MDN1: variants seen among roughly 807,000 people sequenced by gnomAD.
MDN1 encodes midasin.
A neutral mutation model predicts 669.2 loss-of-function variants in MDN1; 266 were observed. That is an observed-to-expected ratio of 0.40 (90% confidence interval 0.36 to 0.44). MDN1 has a LOEUF of 0.44. MDN1 is among the 20% of genes least tolerant of loss of function. The probability of loss-of-function intolerance (pLI) is 1.00; values close to 1 mark genes in which losing one functional copy is unlikely to be tolerated. For missense variants in MDN1, 5,940 were observed against 6,754.0 expected, an observed-to-expected ratio of 0.88 and a Z score of 4.22; for synonymous variants, 2,385 against 2,457.1, an observed-to-expected ratio of 0.97 and a Z score of 0.87.
Position 89,699,506 on chromosome 6 carries a change from T to G in MDN1, c.8997+95A>C, listed in dbSNP as rs543366201. On this transcript the variant is annotated intron_variant, in intron 58 of 101. Transcript: ENST00000369393. The stretch of plus-strand genomic sequence containing the variant: ...AACCTGAGGTTTCCAATATGGAATT[T>G]TGAGAATAAATAAAATGTTTCCCAA... 4.3e-5 allele frequency: 61 copies of G among 1,409,488 alleles called. No individual in the cohort carries two copies. In the African/African-American group the frequency reaches 8.6e-4, roughly 20 times the overall value. The allele number at this position is 1,409,488 out of a possible 1,614,324, so 87.3% of individuals were successfully genotyped here.
In MDN1 at chr6:89,662,222, A is replaced by G. The variant is rs1266187800; in HGVS notation, c.14430T>C (p.Val4810=). ...CACTATCCAAGTTGTCATCTTTAGCAACAAGTTCAGAATCTTCCTAAATGT... is the reference window on the plus strand; with the variant it reads ...CACTATCCAAGTTGTCATCTTTAGCGACAAGTTCAGAATCTTCCTAAATGT... ...PGMDEEDSEL[V]AKDDNLDSGN... The change falls in exon 87 of 102, where the codon GTT becomes GTC. Residue 4810 remains valine (V), a synonymous_variant. Transcript: ENST00000369393. 2 of 1,611,496 alleles carry G rather than the reference A, an allele frequency of 1.2e-6. No homozygotes were observed. Among genetic ancestry groups the G allele is most frequent in the Non-Finnish European group, 1.7e-6 (2 of 1,179,474 alleles).
intron 32 of MDN1, among the ~76,000 whole-genome samples, chr6:89,738,796 T>C (rs185837753): frequency 6.6e-6 from 1 of 152,230 alleles, no homozygotes; most frequent in East Asian, 1.9e-4. Context: ...TTGCATCAGG[T>C]ACCTAAATAA....
At chr6:89,763,923 A>G (rs945238132) in intron 15 of MDN1, among the ~76,000 whole-genome samples, 1 of 152,194 alleles carries the variant, frequency 6.6e-6, no homozygotes, top group African/African-American at 2.4e-5. Context: ...TTAAACAAAA[A>G]ATGTACTGAG....
chr6:89,803,191 T>G (rs1554201032), intron 2 of MDN1, 137 bp downstream of exon 2: 2 of 758,330 alleles, frequency 2.6e-6, no homozygotes. Context: ...TGTGACTCTT[T>G]TTATAAAACA....
chr6:89,682,081 T>C (rs1220608972), intron 73 of MDN1, among the ~76,000 whole-genome samples: 1 of 152,228 alleles, frequency 6.6e-6, no homozygotes, highest in East Asian at 1.9e-4. Flanking sequence ...TTCAGGAATT[T>C]TGCAAGCCAA....
intron 14 of MDN1, 98 bp from the exon 15 acceptor site, chr6:89,771,719 T>C (rs1818087458): frequency 9.5e-7 from 1 of 1,052,292 alleles, no homozygotes; most frequent in East Asian, 2.4e-5. Context: ...CATAGGGCTT[T>C]ATTTTTTGAG....
chr6:89,761,609 A>G (rs1194267633), intron 17 of MDN1, 36 bp downstream of exon 17: 1 of 1,436,790 alleles, frequency 7.0e-7, no homozygotes, highest in Non-Finnish European at 9.7e-7. Context: ...CATAAAATCA[A>G]CGTTCCCATA....
chr6:89,712,126 T>G lies in MDN1; in HGVS notation c.7561A>C (p.Lys2521Gln), dbSNP rs146303557. The change falls in exon 49 of 102, where the codon AAA becomes CAA. Residue 2521 changes from lysine to glutamine, a missense_variant. Transcript: ENST00000369393. The part of the protein sequence containing the change: ...DEPDVLVMAV[K>Q]LLIERATNQD... ...TTGGTTGCTCTTTCTATGAGCAATTTAACAGCCATGACCAAAACATCTGGT... is the reference window on the plus strand; with the variant it reads ...TTGGTTGCTCTTTCTATGAGCAATTGAACAGCCATGACCAAAACATCTGGT... The G allele has an allele frequency of 7.4e-6, 12 of 1,614,074 alleles. No homozygotes were observed. Among genetic ancestry groups the G allele is most frequent in the Non-Finnish European group, 9.3e-6 (11 of 1,180,022 alleles).
rs1811994591 is a variant in MDN1, at chr6:89,686,231, C to G, written c.11573-258G>C. Among the ~76,000 whole-genome samples, 3 of 152,138 alleles carry G rather than the reference C, an allele frequency of 2.0e-5. No homozygotes were observed. The South Asian group carries it at 6.2e-4, about 32-fold the overall frequency. On this transcript the variant is annotated intron_variant, in intron 69 of 101. Transcript: ENST00000369393. ...TTTGAGGTCAGGAGTTCAAAACCAG[C>G]CTTGCCAACATGGTGAAACCTCGTG...
In MDN1 at chr6:89,763,161, C is replaced by A. The variant is rs529067695; in HGVS notation, c.2145-631G>T. On this transcript the variant is annotated intron_variant, in intron 15 of 101. Coordinates refer to ENST00000369393, the MANE Select transcript of MDN1 (RefSeq NM_014611.3). ...AATATGTATAGGGCATAATAAAAAACCATCCATATTTCATTAAGGTTGACC... is the reference window on the plus strand; with the variant it reads ...AATATGTATAGGGCATAATAAAAAAACATCCATATTTCATTAAGGTTGACC... Among the ~76,000 whole-genome samples the A allele has an allele frequency of 7.9e-5, 12 of 151,986 alleles. No homozygotes were observed. The East Asian group carries it at 2.1e-3, about 27-fold the overall frequency.
chr6:89,806,726 A>T (rs927119827), intron 1 of MDN1, among the ~76,000 whole-genome samples: 2 of 151,860 alleles, frequency 1.3e-5, no homozygotes, highest in East Asian at 1.9e-4. Flanking sequence ...CACCTCAATA[A>T]AAAAATTTTT....
chr6:89,799,745 G>A (rs775377547), intron 2 of MDN1, among the ~76,000 whole-genome samples: 25 of 152,126 alleles, frequency 1.6e-4, no homozygotes, highest in Non-Finnish European at 2.6e-4. Context: ...CTACCACAAC[G>A]GGAAAAAGTG....
chr6:89,729,511 G>GCC (rs963251681), intron 35 of MDN1, among the ~76,000 whole-genome samples: 2 of 152,202 alleles, frequency 1.3e-5, no homozygotes, highest in African/African-American at 4.8e-5. Context: ...AGGCATATGG[G>GCC]CCACATGGTT....
rs757057880 is a variant in MDN1 at position 89,758,964 on chromosome 6, G to T, written c.2461-4C>A. 3.1e-6 allele frequency: 5 copies of T among 1,611,796 alleles called. No individual in the cohort carries two copies. Among genetic ancestry groups the T allele is most frequent in the Non-Finnish European group, 3.4e-6 (4 of 1,178,676 alleles). Reference sequence around the variant, plus strand: ...TTACAGCCTGAGCTAATGTACCCTAGAAAAAGATAAAATAAAATGTTAACA... The same window carrying T: ...TTACAGCCTGAGCTAATGTACCCTATAAAAAGATAAAATAAAATGTTAACA... On this transcript the variant is annotated splice_region_variant and splice_polypyrimidine_tract_variant and intron_variant, in intron 17 of 101. Transcript: ENST00000369393.
Position 89,758,801 on chromosome 6 carries a change from G to C in MDN1, c.2605+15C>G, listed in dbSNP as rs752568183. The C allele has an allele frequency of 2.0e-5, 33 of 1,613,654 alleles. No homozygotes were observed. The Admixed American group carries it at 2.5e-4, about 12-fold the overall frequency. ...GCTTGACACCAAGTCAAATCCCAAG[G>C]GATTCAAGTGCTACCTGTGTCTCCT... On this transcript the variant is annotated intron_variant, in intron 18 of 101. Transcript: ENST00000369393.
intron 31 of MDN1, 100 bp downstream of exon 31, chr6:89,743,050 G>T (rs972153194): frequency 7.0e-7 from 1 of 1,431,848 alleles, no homozygotes; most frequent in African/African-American, 1.4e-5. Flanking sequence ...ACACGGCACT[G>T]CAGCCTGGGG....
chr6:89,699,947 C>A, intron 57 of MDN1, 116 bp downstream of exon 57: 1 of 1,152,668 alleles, frequency 8.7e-7, no homozygotes, highest in Non-Finnish European at 1.2e-6. Flanking sequence ...CAAATCACTT[C>A]CCTCTGCTTC....
intron 88 of MDN1, among the ~76,000 whole-genome samples, chr6:89,660,515 T>G (rs963650537): frequency 1.2e-4 from 19 of 152,122 alleles, no homozygotes; most frequent in Non-Finnish European, 7.4e-5. Flanking sequence ...TATCTATTAT[T>G]TAATTAGCAA....
In MDN1 at chr6:89,727,823, G is replaced by A. The variant is rs1268986623; in HGVS notation, c.5472+10C>T. The A allele has an allele frequency of 1.8e-6, 2 of 1,104,834 alleles. No individual in the cohort carries two copies. Among genetic ancestry groups the A allele is most frequent in the South Asian group, 1.6e-5 (1 of 61,672 alleles). 68.4% of individuals were successfully genotyped at this position (1,104,834 alleles called of 1,614,324 possible). ...ATCACCGTCTTGGGCATGACAAACA[G>A]GCCCCTCACCTCATCCAACACCACC... On this transcript the variant is annotated intron_variant, in intron 37 of 101. Transcript: ENST00000369393.
Sources: gnomAD v4.1 joint callset for allele counts (sites outside exome capture counted in the v4.1 genomes callset) on GRCh38, gnomAD v4.1.1 for gene constraint, MANE v1.5 for transcripts, NCBI Gene and HGNC (gene_info 2026-07-23, HGNC 2026-07-21) for gene names.